The following ADAMTS17 variants were observed in gnomAD, a reference collection of about 807,000 sequenced individuals.
ADAMTS17 encodes ADAM metallopeptidase with thrombospondin type 1 motif 17.
ADAMTS17 carries 113 observed loss-of-function variants against 141.5 expected under a neutral mutation model. That is an observed-to-expected ratio of 0.80 (90% CI 0.69 to 0.93). ADAMTS17 has a LOEUF of 0.93. Among genes scored for constraint, ADAMTS17 ranks in the 40% least tolerant of loss-of-function variants. The pLI is 0.00. For synonymous variants in ADAMTS17, 768 were observed against 630.6 expected (o/e 1.22, Z -3.27); for missense variants, 1,659 against 1,517.9 (o/e 1.09, Z -1.54).
intron 14 of ADAMTS17, among the ~76,000 whole-genome samples, chr15:100,097,610 C>G (rs1460862774): frequency 6.6e-6 from 1 of 152,260 alleles, no homozygotes; most frequent in Non-Finnish European, 1.5e-5. Flanking sequence ...CTCTGTTCAT[C>G]ATGGCAGCAG....
intron 8 of ADAMTS17, among the ~76,000 whole-genome samples, chr15:100,195,340 G>A (rs2041071295): frequency 6.6e-6 from 1 of 152,208 alleles, no homozygotes; most frequent in African/African-American, 2.4e-5. Context: ...TCAGAAAGCT[G>A]TTAATCGAAT....
chr15:100,338,181 G>A (rs1392597565), intron 2 of ADAMTS17, among the ~76,000 whole-genome samples: 2 of 152,198 alleles, frequency 1.3e-5, no homozygotes, highest in Non-Finnish European at 2.9e-5. Flanking sequence ...AAGGAATGCG[G>A]CAGGCCCATG....
At chr15:100,273,799 T>C (rs1173362217) in intron 4 of ADAMTS17, among the ~76,000 whole-genome samples, 1 of 152,190 alleles carries the variant, frequency 6.6e-6, no homozygotes, top group Non-Finnish European at 1.5e-5. Context: ...TTTTTCTTTT[T>C]AAGTGTTTAC....
At chr15:100,274,879 T>C (rs189777528) in intron 4 of ADAMTS17, among the ~76,000 whole-genome samples, 4 of 152,340 alleles carry the variant, frequency 2.6e-5, no homozygotes, top group South Asian at 2.1e-4. Context: ...TCTCTAGTTA[T>C]TTTCTTTGGG....
intron 3 of ADAMTS17, among the ~76,000 whole-genome samples, chr15:100,307,319 G>A (rs990814721): frequency 3.3e-5 from 5 of 152,152 alleles, no homozygotes; most frequent in African/African-American, 7.2e-5. Context: ...TTGGTGTGAC[G>A]GGGTTCACAG....
intron 15 of ADAMTS17, among the ~76,000 whole-genome samples, chr15:100,064,943 C>G (rs936746359): frequency 5.3e-5 from 8 of 152,140 alleles, no homozygotes; most frequent in Non-Finnish European, 7.3e-5. Context: ...AATCCTAGCC[C>G]TGTTGTTCCC....
chr15:100,233,924 G>A (rs1015895700), intron 7 of ADAMTS17, among the ~76,000 whole-genome samples: 5 of 152,118 alleles, frequency 3.3e-5, no homozygotes, highest in African/African-American at 4.8e-5. Flanking sequence ...TGTCCTGGGC[G>A]CCCTACTGTT....
At chr15:100,018,313 A>C (rs950338408) in intron 18 of ADAMTS17, among the ~76,000 whole-genome samples, 1 of 152,266 alleles carries the variant, frequency 6.6e-6, no homozygotes, top group African/African-American at 2.4e-5. Context: ...ATAATGGGCA[A>C]ACAATAAAAG....
intron 8 of ADAMTS17, among the ~76,000 whole-genome samples, chr15:100,182,881 G>C (rs184421983): frequency 1.6e-4 from 24 of 152,318 alleles, no homozygotes; most frequent in Admixed American, 1.6e-3. Context: ...TCAGCTTCTT[G>C]AATCTGCAGG....
intron 16 of ADAMTS17, among the ~76,000 whole-genome samples, chr15:100,052,228 G>A (rs56855477): frequency 0.15 from 20,738 of 141,398 alleles, 3,059 homozygotes; most frequent in African/African-American, 0.4. Flanking sequence ...TGCTGTGTCA[G>A]TTGGTCCAGA....
intron 4 of ADAMTS17, among the ~76,000 whole-genome samples, chr15:100,276,873 A>C (rs1045997755): frequency 1.3e-5 from 2 of 152,158 alleles, no homozygotes; most frequent in Non-Finnish European, 2.9e-5. Context: ...TGGATTTCCT[A>C]AACTAGGATT....
chr15:100,044,127 T>C (rs1157604342), intron 18 of ADAMTS17, among the ~76,000 whole-genome samples: 3 of 152,222 alleles, frequency 2.0e-5, no homozygotes, highest in Non-Finnish European at 4.4e-5. Flanking sequence ...ATCAGAGGGC[T>C]CTGTTATGGC....
chr15:100,025,994 C>T (rs1346744765), intron 18 of ADAMTS17, among the ~76,000 whole-genome samples: 2 of 152,108 alleles, frequency 1.3e-5, no homozygotes, highest in Admixed American at 6.5e-5. Flanking sequence ...GAAATTTTCA[C>T]AAAGCAAGGC....
intron 18 of ADAMTS17, among the ~76,000 whole-genome samples, chr15:100,027,684 G>A (rs1443305275): frequency 6.6e-6 from 1 of 152,228 alleles, no homozygotes; most frequent in African/African-American, 2.4e-5. Flanking sequence ...GGAAAAGTTT[G>A]CTGATTCCTG....
intron 8 of ADAMTS17, among the ~76,000 whole-genome samples, chr15:100,171,072 C>T (rs142409462): frequency 6.6e-6 from 1 of 152,056 alleles, no homozygotes; most frequent in Admixed American, 6.5e-5. Flanking sequence ...TTTTAATGGG[C>T]AGTAGGAACC....
At chr15:100,308,759 C>T (rs2045309713) in intron 3 of ADAMTS17, among the ~76,000 whole-genome samples, 1 of 152,172 alleles carries the variant, frequency 6.6e-6, no homozygotes, top group Non-Finnish European at 1.5e-5. Flanking sequence ...CAGTGTACAT[C>T]ACCAGGGGAG....
At chr15:99,975,638 T>G (rs1267548777) in intron 21 of ADAMTS17, among the ~76,000 whole-genome samples, 5 of 152,174 alleles carry the variant, frequency 3.3e-5, no homozygotes, top group Admixed American at 3.3e-4. Flanking sequence ...ACCACGCCTG[T>G]CTGCTGCTCA....
At chr15:100,191,319 C>G (rs1596235015) in intron 8 of ADAMTS17, among the ~76,000 whole-genome samples, 1 of 152,376 alleles carries the variant, frequency 6.6e-6, no homozygotes, top group Non-Finnish European at 1.5e-5. Flanking sequence ...GGCTGGACTT[C>G]CTACCGTGAC....
chr15:100,017,249 A>G (rs1316972450), intron 18 of ADAMTS17, among the ~76,000 whole-genome samples: 4 of 152,212 alleles, frequency 2.6e-5, no homozygotes, highest in African/African-American at 9.7e-5. Context: ...GTTTCCAGGC[A>G]GTGGGCAAGC....
Sources: gnomAD v4.1 joint callset for allele counts (sites outside exome capture counted in the v4.1 genomes callset) on GRCh38, gnomAD v4.1.1 for gene constraint, MANE v1.5 for transcripts, NCBI Gene and HGNC (gene_info 2026-07-23, HGNC 2026-07-21) for gene names.